The following GRK7 variants were observed in gnomAD, a reference collection of about 807,000 sequenced individuals.
The protein encoded by GRK7 is rhodopsin kinase GRK7.
A neutral mutation model predicts 34.1 loss-of-function variants in GRK7; 24 were observed. The ratio of observed to expected loss-of-function variants is 0.70; its 90% CI spans 0.51 to 0.99. GRK7 has a LOEUF of 0.99. Among genes scored for constraint, GRK7 ranks in the 50% least tolerant of loss-of-function variants. The pLI, the probability that GRK7 is intolerant of heterozygous loss-of-function variation, is 0.00. For missense variants in GRK7, 644 were observed against 707.3 expected, an observed-to-expected ratio of 0.91 and a Z score of 1.02; for synonymous variants, 256 against 279.4, an observed-to-expected ratio of 0.92 and a Z score of 0.84.
At chr3:141,796,887 C>T (rs1259254941) in intron 4 of GRK7, among the ~76,000 whole-genome samples, 1 of 152,124 alleles carries the variant, frequency 6.6e-6, no homozygotes. Flanking sequence ...TAACAACAGC[C>T]GCTAATACAT....
intron 4 of GRK7, among the ~76,000 whole-genome samples, chr3:141,802,529 T>C (rs969831005): frequency 1.3e-5 from 2 of 151,962 alleles, no homozygotes; most frequent in African/African-American, 2.4e-5. Flanking sequence ...CCTTGAGAAA[T>C]TTCATCATAT....
chr3:141,784,951 C>T (rs879883528), intron 4 of GRK7, among the ~76,000 whole-genome samples: 27 of 152,190 alleles, frequency 1.8e-4, no homozygotes, highest in Non-Finnish European at 2.4e-4. Flanking sequence ...CAGCCCCACG[C>T]GATGCCCTGA....
chr3:141,754,699 G>A, the GRK7 span, among the ~76,000 whole-genome samples: 1 of 152,098 alleles, frequency 6.6e-6, no homozygotes, highest in Non-Finnish European at 1.5e-5. Flanking sequence ...GGAAGAAAAG[G>A]AAAAGAACAA....
chr3:141,799,473 G>T (rs1003862474), intron 4 of GRK7, among the ~76,000 whole-genome samples: 1 of 152,032 alleles, frequency 6.6e-6, no homozygotes, highest in Non-Finnish European at 1.5e-5. Context: ...TTAGCCGGGC[G>T]TGGTGGTGAG....
At chr3:141,777,426 G>A (rs1282906248) in intron 2 of GRK7, among the ~76,000 whole-genome samples, 1 of 135,890 alleles carries the variant, frequency 7.4e-6, no homozygotes, top group African/African-American at 2.8e-5. Flanking sequence ...CCGGGTTCAC[G>A]CCATTCTCCT....
chr3:141,794,771 G>A (rs889732875), intron 4 of GRK7, among the ~76,000 whole-genome samples: 8 of 152,130 alleles, frequency 5.3e-5, no homozygotes, highest in African/African-American at 9.7e-5. Context: ...GAATTGGGGC[G>A]ATATAATATT....
At chr3:141,810,102 C>A (rs2107895209) in intron 5 of GRK7, among the ~76,000 whole-genome samples, 1 of 152,222 alleles carries the variant, frequency 6.6e-6, no homozygotes, top group Admixed American at 6.5e-5. Flanking sequence ...CAGTTGAAAG[C>A]CTTAATAAGA....
At chr3:141,784,070 G>T (rs906796302) in intron 4 of GRK7, among the ~76,000 whole-genome samples, 2 of 152,122 alleles carry the variant, frequency 1.3e-5, no homozygotes, top group East Asian at 1.9e-4. Flanking sequence ...GCTATATCTC[G>T]ACCTTGCTGG....
intron 4 of GRK7, among the ~76,000 whole-genome samples, chr3:141,801,310 CAAAAAAAA>C (rs55657739): frequency 4.3e-5 from 3 of 70,014 alleles, no homozygotes; most frequent in African/African-American, 5.8e-5. Flanking sequence ...GACTCCGTCT[CAAAAAAAA>C]AAAAAAAAAA....
intron 5 of GRK7, among the ~76,000 whole-genome samples, chr3:141,811,831 T>C (rs1711095685): frequency 6.6e-6 from 1 of 152,216 alleles, no homozygotes; most frequent in Non-Finnish European, 1.5e-5. Context: ...ACCCTTCTCC[T>C]TTAGACATCA....
In GRK7 at chr3:141,765,085, T is replaced by C. The variant is rs1301838493; in HGVS notation, c.-868T>C. ...AACTTCCAGTGGCTTTCCATCTCAC[T>C]CAGAAGGAAAACCTAAGTTCTTGCA... On this transcript the variant is annotated 5_prime_UTR_variant, in exon 1 of 6. Transcript: ENST00000682958. Among the ~76,000 whole-genome samples, 3 of 152,194 alleles carry C rather than the reference T, an allele frequency of 2.0e-5. No individual in the cohort carries two copies. Among genetic ancestry groups the C allele is most frequent in the Non-Finnish European group, 2.9e-5 (2 of 68,026 alleles).
In GRK7 at chr3:141,818,253, A is replaced by C. The variant is rs916512201; in HGVS notation, c.*1203A>C. 1 of 152,210 alleles carries C rather than the reference A, an allele frequency of 6.6e-6. No individual in the cohort carries two copies. Among genetic ancestry groups the C allele is most frequent in the Non-Finnish European group, 1.5e-5 (1 of 68,104 alleles). 9.4% of individuals were successfully genotyped at this position (152,210 alleles called of 1,614,324 possible). On this transcript the variant is annotated 3_prime_UTR_variant, in exon 6 of 6. Transcript: ENST00000682958. ...TTCCAGCACTTTGGGAGGCCAAGGC[A>C]GATGGATCATGAGGTCAGGGGCTCA...
intron 5 of GRK7, among the ~76,000 whole-genome samples, chr3:141,812,290 T>C (rs1711100664): frequency 6.6e-6 from 1 of 152,230 alleles, no homozygotes; most frequent in Admixed American, 6.5e-5. Flanking sequence ...CAAAAGATAC[T>C]GCCTCCAGCA....
At chr3:141,750,875 T>C in the GRK7 span, among the ~76,000 whole-genome samples, 1 of 151,626 alleles carries the variant, frequency 6.6e-6, no homozygotes, top group African/African-American at 2.4e-5. Flanking sequence ...GGAATAGAGT[T>C]AGAGAAAACT....
intron 4 of GRK7, among the ~76,000 whole-genome samples, chr3:141,807,065 A>G (rs1449642420): frequency 2.0e-5 from 3 of 152,174 alleles, no homozygotes. Context: ...TCATGTGTGT[A>G]TGGAATTTCC....
chr3:141,790,354 A>G (rs1373595243), intron 4 of GRK7, among the ~76,000 whole-genome samples: 1 of 152,152 alleles, frequency 6.6e-6, no homozygotes, highest in Non-Finnish European at 1.5e-5. Context: ...CTCAGACAGA[A>G]TAAGTGCATG....
At chr3:141,762,818 A>G (rs533178456), upstream of GRK7, among the ~76,000 whole-genome samples, 10 of 152,356 alleles carry the variant, frequency 6.6e-5, no homozygotes, top group African/African-American at 2.2e-4. Context: ...GGTGAGGGAT[A>G]TAATCTCGTG....
the GRK7 span, among the ~76,000 whole-genome samples, chr3:141,757,129 C>CTTTTTTTTTTTTTTTTTT: frequency 5.9e-5 from 6 of 101,358 alleles, no homozygotes; most frequent in African/African-American, 8.2e-5. Flanking sequence ...AGATCTTCTT[C>CTTTTTTTTTTTTTTTTTT]TTTTTTTTTT....
the GRK7 span, among the ~76,000 whole-genome samples, chr3:141,750,135 G>GT: frequency 6.6e-6 from 1 of 152,032 alleles, no homozygotes; most frequent in Non-Finnish European, 1.5e-5. Context: ...AGTAATTGCG[G>GT]TTTTTTTGCC....
Sources: allele counts gnomAD v4.1 joint callset (sites outside exome capture counted in the v4.1 genomes callset), GRCh38; gene constraint gnomAD v4.1.1; transcripts MANE v1.5; gene names NCBI Gene and HGNC (gene_info 2026-07-23, HGNC 2026-07-21).